Variants in DAB1 observed in about 807,000 individuals in gnomAD.
DAB1 encodes DAB adaptor protein 1.
Under a neutral mutation model 64.6 loss-of-function variants are expected in DAB1, and 15 were observed. The observed-to-expected ratio is 0.23, with a 90% CI of 0.16 to 0.36. DAB1 has a LOEUF of 0.36. Ranked by LOEUF, DAB1 falls within the 10% of genes least tolerant of loss-of-function variation. The pLI is 1.00. For missense variants in DAB1, 596 were observed against 706.7 expected (o/e 0.84, Z 1.78); for synonymous variants, 235 against 251.9 (o/e 0.93, Z 0.64).
At chr1:57,264,004 A>C (rs11587719) in intron 2 of DAB1, among the ~76,000 whole-genome samples, 63,387 of 151,918 alleles carry the variant, frequency 0.42, 13,422 homozygotes, top group South Asian at 0.54. Context: ...CCCTCCTGGT[A>C]TGGAAGGATG....
At chr1:58,199,668 G>C (rs1055358797) in intron 4 of DAB1, among the ~76,000 whole-genome samples, 1 of 152,076 alleles carries the variant, frequency 6.6e-6, no homozygotes, top group Admixed American at 6.6e-5. Context: ...AAATAACATT[G>C]TTATCAAGAA....
chr1:58,287,864 A>C (rs1031650693), intron 4 of DAB1, among the ~76,000 whole-genome samples: 3 of 151,930 alleles, frequency 2.0e-5, no homozygotes, highest in Non-Finnish European at 4.4e-5. Context: ...TCTATTAAAA[A>C]TACAAAAATT....
chr1:58,394,221 G>A (rs1644500204), intron 3 of DAB1, among the ~76,000 whole-genome samples: 1 of 152,228 alleles, frequency 6.6e-6, no homozygotes, highest in African/African-American at 2.4e-5. Context: ...AATTCCAAGT[G>A]TTGGCAGAGA....
chr1:57,535,719 C>T (rs1644719461), intron 7 of DAB1, among the ~76,000 whole-genome samples: 1 of 152,088 alleles, frequency 6.6e-6, no homozygotes, highest in South Asian at 2.1e-4. Flanking sequence ...CTCAGCCTCC[C>T]AAAGTGCTGG....
At chr1:58,307,112 A>T (rs185896875) in intron 4 of DAB1, among the ~76,000 whole-genome samples, 4 of 152,340 alleles carry the variant, frequency 2.6e-5, no homozygotes, top group African/African-American at 9.6e-5. Context: ...TTACAAATCA[A>T]ACAATAACGT....
At chr1:58,428,357 T>G (rs2100234986) in intron 3 of DAB1, among the ~76,000 whole-genome samples, 1 of 152,324 alleles carries the variant, frequency 6.6e-6, no homozygotes, top group East Asian at 1.9e-4. Flanking sequence ...CAGAGGAACA[T>G]GTTTAAAGAC....
intron 5 of DAB1, among the ~76,000 whole-genome samples, chr1:58,055,882 G>GTTATTA (rs71246205): frequency 0.021 from 3,156 of 147,660 alleles, 78 homozygotes; most frequent in African/African-American, 0.06. Flanking sequence ...ATCACACCGA[G>GTTATTA]TTATTATTAT....
chr1:57,286,167 A>G (rs751060710), intron 2 of DAB1, among the ~76,000 whole-genome samples: 14 of 152,202 alleles, frequency 9.2e-5, no homozygotes, highest in South Asian at 2.1e-4. Flanking sequence ...ATATGCCCCT[A>G]TGTGACTTGT....
intron 2 of DAB1, among the ~76,000 whole-genome samples, chr1:57,196,218 A>G (rs1279958337): frequency 6.6e-6 from 1 of 152,210 alleles, no homozygotes; most frequent in African/African-American, 2.4e-5. Context: ...TATCAATTTT[A>G]CCTGCATAAA....
At chr1:58,506,000 A>G (rs1001353827) in intron 3 of DAB1, 4 of 779,978 alleles carry the variant, frequency 5.1e-6, no homozygotes, top group Non-Finnish European at 6.8e-6. Context: ...AAGAAGTGAC[A>G]GCATTAAAAA....
chr1:57,186,068 A>T (rs1282484875), intron 2 of DAB1, among the ~76,000 whole-genome samples: 1 of 152,126 alleles, frequency 6.6e-6, no homozygotes, highest in East Asian at 1.9e-4. Flanking sequence ...ACCTGGGACC[A>T]CTCAGACCAG....
chr1:57,750,003 C>A (rs1648480695), intron 6 of DAB1, among the ~76,000 whole-genome samples: 1 of 151,978 alleles, frequency 6.6e-6, no homozygotes, highest in Non-Finnish European at 1.5e-5. Flanking sequence ...GTTTTTTGGT[C>A]AAGCAGAGGG....
At chr1:57,170,859 T>C (rs1230982567) in intron 2 of DAB1, among the ~76,000 whole-genome samples, 6 of 152,082 alleles carry the variant, frequency 3.9e-5, no homozygotes, top group African/African-American at 7.2e-5. Flanking sequence ...CACCCACAGG[T>C]GTGAGGCTTT....
At chr1:57,506,494 A>T (rs766064692) in intron 7 of DAB1, among the ~76,000 whole-genome samples, 1 of 152,252 alleles carries the variant, frequency 6.6e-6, no homozygotes, top group South Asian at 2.1e-4. Context: ...TGTTTCCAGC[A>T]TAAATTTACT....
intron 5 of DAB1, among the ~76,000 whole-genome samples, chr1:58,138,443 A>G (rs1018427440): frequency 6.6e-6 from 1 of 152,222 alleles, no homozygotes; most frequent in Non-Finnish European, 1.5e-5. Flanking sequence ...TTCTAGAGGT[A>G]GAGAGGGCCA....
intron 6 of DAB1, among the ~76,000 whole-genome samples, chr1:57,676,458 C>A (rs193018537): frequency 6.6e-6 from 1 of 152,144 alleles, no homozygotes; most frequent in South Asian, 2.1e-4. Flanking sequence ...CTCTTATATA[C>A]CAAGGCATGC....
At chr1:57,000,455 C>A (rs909146518) in intron 14 of DAB1, among the ~76,000 whole-genome samples, 3 of 152,148 alleles carry the variant, frequency 2.0e-5, no homozygotes, top group African/African-American at 7.2e-5. Flanking sequence ...GTTCTGATCC[C>A]TTTGTCCTAA....
At chr1:57,080,393 T>C (rs1017266937) in intron 4 of DAB1, among the ~76,000 whole-genome samples, 5 of 152,356 alleles carry the variant, frequency 3.3e-5, no homozygotes, top group African/African-American at 1.2e-4. Context: ...TCACCAACAA[T>C]TAAAACGAGG....
intron 5 of DAB1, among the ~76,000 whole-genome samples, chr1:58,078,906 A>T (rs1442915822): frequency 6.6e-6 from 1 of 152,184 alleles, no homozygotes; most frequent in African/African-American, 2.4e-5. Context: ...GCTGGATTCA[A>T]AGTGAGACAT....
Sources: allele counts gnomAD v4.1 joint callset (sites outside exome capture counted in the v4.1 genomes callset), GRCh38; gene constraint gnomAD v4.1.1; transcripts MANE v1.5; gene names NCBI Gene and HGNC (gene_info 2026-07-23, HGNC 2026-07-21).